The following PCDHA4 variants were observed in gnomAD, a reference collection of about 807,000 sequenced individuals.
PCDHA4 encodes the protein protocadherin alpha 4.
Under a neutral mutation model 61.4 loss-of-function variants are expected in PCDHA4, and 49 were observed. That is an observed-to-expected ratio of 0.80 (90% CI 0.63 to 1.01). PCDHA4 has a LOEUF of 1.01. Among genes scored for constraint, PCDHA4 ranks in the 50% least tolerant of loss-of-function variants. PCDHA4 has a pLI of 0.00. For synonymous variants in PCDHA4, 590 were observed against 550.3 expected (o/e 1.07, Z -1.01); for missense variants, 1,254 against 1,235.8 (o/e 1.01, Z -0.22).
intron 1 of PCDHA4, among the ~76,000 whole-genome samples, chr5:140,974,689 T>A (rs2153804618): frequency 1.3e-5 from 2 of 152,208 alleles, no homozygotes; most frequent in South Asian, 4.1e-4. Flanking sequence ...TTTTGTATTT[T>A]TGGGTTTCAC....
chr5:140,969,274 TG>T, intron 1 of PCDHA4: 1 of 1,614,158 alleles, frequency 6.2e-7, no homozygotes, highest in Non-Finnish European at 8.5e-7. Flanking sequence ...CAGGCCAAAG[TG>T]GTCAGAATGC....
chr5:140,809,664 G>T, intron 1 of PCDHA4, 92 bp downstream of exon 1: 1 of 1,474,868 alleles, frequency 6.8e-7, no homozygotes, highest in Non-Finnish European at 9.1e-7. Context: ...AATTTCCCTG[G>T]GTTAAAATTT....
rs901766941 is a variant in PCDHA4 at position 140,982,266 on chromosome 5, G to A, written c.2445-209G>A. The A allele has an allele frequency of 6.1e-5, 54 of 879,038 alleles. No homozygotes were observed. In the African/African-American group the frequency reaches 7.6e-4, roughly 12 times the overall value. The allele number at this position is 879,038 out of a possible 1,614,324, so 54.5% of individuals were successfully genotyped here. ...TAAAGATAGAACATGTGTGTTCCTG[G>A]AATAGTATAGCAGGCAATAAGTAAG... On this transcript the variant is annotated intron_variant, in intron 2 of 3. Coordinates refer to ENST00000530339, the MANE Select transcript of PCDHA4 (RefSeq NM_018907.4).
chr5:140,905,248 C>A (rs143714633), intron 1 of PCDHA4, among the ~76,000 whole-genome samples: 43 of 152,208 alleles, frequency 2.8e-4, no homozygotes, highest in African/African-American at 8.7e-4. Context: ...TTCATTCTTC[C>A]ACATGAGGCT....
intron 1 of PCDHA4, among the ~76,000 whole-genome samples, chr5:140,914,813 C>T (rs1346638828): frequency 6.6e-6 from 1 of 152,070 alleles, no homozygotes; most frequent in Non-Finnish European, 1.5e-5. Flanking sequence ...GGCAACTTAA[C>T]AGACTGCATA....
intron 1 of PCDHA4, chr5:140,836,962 C>T: frequency 2.5e-6 from 1 of 398,834 alleles, no homozygotes; most frequent in Non-Finnish European, 4.4e-6. Flanking sequence ...TTTATGTTGG[C>T]TACTCTCCAT....
At chr5:140,832,572 C>G (rs987114352) in intron 1 of PCDHA4, among the ~76,000 whole-genome samples, 2 of 152,172 alleles carry the variant, frequency 1.3e-5, no homozygotes, top group South Asian at 2.1e-4. Flanking sequence ...AAACAGCATA[C>G]TTTCTTAGGA....
chr5:140,856,229 C>CG (rs2043871917), intron 1 of PCDHA4: 1 of 1,597,818 alleles, frequency 6.3e-7, no homozygotes, highest in Non-Finnish European at 8.6e-7. Context: ...GCTGGTGCAG[C>CG]GCCTGTTCCG....
intron 1 of PCDHA4, chr5:140,884,047 G>A: frequency 1.9e-6 from 3 of 1,613,390 alleles, no homozygotes; most frequent in East Asian, 2.2e-5. Flanking sequence ...TGGTGGCGAA[G>A]GTGCGCGCGG....
At chr5:140,887,532 C>T (rs1161154809) in intron 1 of PCDHA4, among the ~76,000 whole-genome samples, 1 of 152,152 alleles carries the variant, frequency 6.6e-6, no homozygotes, top group African/African-American at 2.4e-5. Flanking sequence ...GAGTCTTCCT[C>T]TCCCCACCCC....
chr5:140,928,334 C>CT, intron 1 of PCDHA4: 1 of 1,614,158 alleles, frequency 6.2e-7, no homozygotes, highest in Non-Finnish European at 8.5e-7. Flanking sequence ...GGCCTTGTCT[C>CT]TTATGAGCTG....
At chr5:140,912,164 C>G (rs1554195175) in intron 1 of PCDHA4, among the ~76,000 whole-genome samples, 1 of 152,158 alleles carries the variant, frequency 6.6e-6, no homozygotes, top group Non-Finnish European at 1.5e-5. Flanking sequence ...TTTATTCTGG[C>G]TGTGCTGGCA....
intron 1 of PCDHA4, among the ~76,000 whole-genome samples, chr5:140,950,648 T>C (rs2153690319): frequency 6.6e-6 from 1 of 152,222 alleles, no homozygotes; most frequent in East Asian, 1.9e-4. Flanking sequence ...CTGTTTATGG[T>C]TGGCTGAGTT....
Position 140,842,571 on chromosome 5 carries a change from G to A in PCDHA4, c.2385+32999G>A, listed in dbSNP as rs2150339476. The A allele has an allele frequency of 9.3e-6, 14 of 1,508,304 alleles. No individual in the cohort carries two copies. Among genetic ancestry groups the A allele is most frequent in the Non-Finnish European group, 1.2e-5 (13 of 1,110,420 alleles). The allele number at this position is 1,508,304 out of a possible 1,614,324, so 93.4% of individuals were successfully genotyped here. On this transcript the variant is annotated intron_variant, in intron 1 of 3. Coordinates refer to ENST00000530339, the MANE Select transcript of PCDHA4 (RefSeq NM_018907.4). ...CTGGACAGCGCCCTGGACCGCGAGA[G>A]AGTGTCGGCCTATGAGTTGGTGGTA...
At chr5:140,886,361 G>A (rs374709389) in intron 1 of PCDHA4, among the ~76,000 whole-genome samples, 1 of 151,992 alleles carries the variant, frequency 6.6e-6, no homozygotes, top group African/African-American at 2.4e-5. Context: ...TTACATAGGT[G>A]TACATGCCAT....
chr5:140,966,330 G>A, intron 1 of PCDHA4: 2 of 393,050 alleles, frequency 5.1e-6, no homozygotes, highest in Non-Finnish European at 9.0e-6. Context: ...CTGGGATCCG[G>A]CAGGTCCAGG....
chr5:140,869,750 A>T (rs1467855920), intron 1 of PCDHA4: 1 of 1,613,280 alleles, frequency 6.2e-7, no homozygotes, highest in Non-Finnish European at 8.5e-7. Context: ...ACAGCTACAG[A>T]CGGGGGAAAA....
In PCDHA4 at chr5:140,824,072, C is replaced by T; in HGVS notation, c.2385+14500C>T. 1 of 1,614,254 alleles carries T rather than the reference C, an allele frequency of 6.2e-7. No homozygotes were observed. The highest frequency in any genetic ancestry group is 8.5e-7 in the Non-Finnish European group (1 of 1,180,044). ...TGCTCTGGGGAAGCTCCACCCAAAA[C>T]AGACCTCATGGCCTTCAGTCCAAGC... On this transcript the variant is annotated intron_variant, in intron 1 of 3. Coordinates refer to ENST00000530339, the MANE Select transcript of PCDHA4 (RefSeq NM_018907.4).
Position 140,961,969 on chromosome 5 carries a change from C to A in PCDHA4, c.2386-16980C>A, listed in dbSNP as rs188846719. ...CATGATCTCGGCTCACTGCAACCTCCGCCTCCTGGGTTCACGCCATTGTCC... is the reference window on the plus strand; with the variant it reads ...CATGATCTCGGCTCACTGCAACCTCAGCCTCCTGGGTTCACGCCATTGTCC... On this transcript the variant is annotated intron_variant, in intron 1 of 3. Transcript: ENST00000530339. 8.7e-4 allele frequency among the ~76,000 whole-genome samples: 132 copies of A among 151,904 alleles called. 1 individual carries two copies. Among genetic ancestry groups the A allele is most frequent in the African/African-American group, 3.0e-3 (126 of 41,408 alleles).
Sources: gnomAD v4.1 joint callset for allele counts (sites outside exome capture counted in the v4.1 genomes callset) on GRCh38, gnomAD v4.1.1 for gene constraint, MANE v1.5 for transcripts, NCBI Gene and HGNC (gene_info 2026-07-23, HGNC 2026-07-21) for gene names.